The following MAP7 variants were observed in gnomAD, a reference collection of about 807,000 sequenced individuals.
MAP7 encodes microtubule associated protein 7, also known as ensconsin.
In MAP7, 52 loss-of-function variants were observed where a neutral mutation model predicts 94.8. That is an observed-to-expected ratio of 0.55 (90% CI 0.44 to 0.69). The LOEUF is 0.69. Among genes scored for constraint, MAP7 ranks in the 30% least tolerant of loss-of-function variants. The pLI, the probability that MAP7 is intolerant of heterozygous loss-of-function variation, is 0.00. For synonymous variants in MAP7, 350 were observed against 357.0 expected, an observed-to-expected ratio of 0.98 and a Z score of 0.22; for missense variants, 940 against 964.6, an observed-to-expected ratio of 0.97 and a Z score of 0.34.
chr6:136,533,943 A>G (rs1828682382), intron 1 of MAP7, among the ~76,000 whole-genome samples: 1 of 152,124 alleles, frequency 6.6e-6, no homozygotes, highest in East Asian at 1.9e-4. Flanking sequence ...CACTCTTTCC[A>G]TTTCTTTCTC....
intron 1 of MAP7, among the ~76,000 whole-genome samples, chr6:136,480,641 CAAAAA>C (rs769951186): frequency 8.6e-3 from 173 of 20,138 alleles, no homozygotes; most frequent in South Asian, 0.051. Context: ...GACTCTGCCT[CAAAAA>C]AAAAAAAAAA....
chr6:136,366,413 T>TTC lies in MAP7; in HGVS notation c.901_902dup (p.Asn302LysfsTer98), dbSNP rs774833507. Reference sequence around the variant, plus strand: ...TGCCAGATGTGAGGAAGAGTACATTTTCTCTCTCTCTTTCTTTTTTATAGC... The same window carrying TTC: ...TGCCAGATGTGAGGAAGAGTACATTTTCTCTCTCTCTCTTTCTTTTTTATAGC... On this transcript the variant is annotated frameshift_variant, in exon 9 of 18. Transcript: ENST00000354570. LOFTEE classifies it high-confidence loss of function. The TTC allele has an allele frequency of 6.2e-7, 1 of 1,613,750 alleles. No individual in the cohort carries two copies.
At chr6:136,410,215 G>A (rs1298745540) in intron 3 of MAP7, among the ~76,000 whole-genome samples, 6 of 151,968 alleles carry the variant, frequency 3.9e-5, no homozygotes, top group Non-Finnish European at 8.8e-5. Context: ...AAGCAGATAT[G>A]AATCCACGCT....
chr6:136,509,835 C>T (rs561551047), intron 1 of MAP7, among the ~76,000 whole-genome samples: 3 of 152,202 alleles, frequency 2.0e-5, no homozygotes, highest in Non-Finnish European at 4.4e-5. Flanking sequence ...GGATTACAGG[C>T]GTGAGCTATG....
chr6:136,354,937 T>C (rs1226791626), intron 16 of MAP7, among the ~76,000 whole-genome samples: 1 of 152,144 alleles, frequency 6.6e-6, no homozygotes, highest in Non-Finnish European at 1.5e-5. Context: ...TAAGAAGCTA[T>C]GGTAGGCTGG....
rs985017392 is a variant in MAP7 at position 136,380,125 on chromosome 6, G to A, written c.638-2257C>T. 5.9e-5 allele frequency among the ~76,000 whole-genome samples: 9 copies of A among 152,256 alleles called. No individual in the cohort carries two copies. In the East Asian group the frequency reaches 1.5e-3, roughly 26 times the overall value. ...ACGCTATGGCATCGATCCTATTTAA[G>A]CACTTAAAATTGAGATATTGACAAT... On this transcript the variant is annotated intron_variant, in intron 6 of 17. Coordinates refer to ENST00000354570, the MANE Select transcript of MAP7 (RefSeq NM_003980.6).
At chr6:136,524,812 T>A (rs888605464) in intron 1 of MAP7, among the ~76,000 whole-genome samples, 1 of 152,272 alleles carries the variant, frequency 6.6e-6, no homozygotes, top group Non-Finnish European at 1.5e-5. Flanking sequence ...GCTTAAATAT[T>A]TGCTTTCTAC....
chr6:136,417,033 C>T (rs1176854640), intron 2 of MAP7, among the ~76,000 whole-genome samples: 2 of 152,066 alleles, frequency 1.3e-5, no homozygotes, highest in African/African-American at 2.4e-5. Context: ...GTGACAGGAT[C>T]GCTTGAGGCT....
rs1010045555 is a variant in MAP7 at position 136,365,900 on chromosome 6, G to A, written c.1108C>T (p.Arg370Cys). 12 of 1,614,028 alleles carry A rather than the reference G, an allele frequency of 7.4e-6. No individual in the cohort carries two copies. Among genetic ancestry groups the A allele is most frequent in the Admixed American group, 5.0e-5 (3 of 60,000 alleles). Residue 370 changes from arginine to cysteine, a missense_variant, in exon 10 of 18, where the codon CGC becomes TGC. Arg to Cys is a radical substitution (Grantham distance 180). Transcript: ENST00000354570. ...ACTTTGACTTCCCTCTTGACAGGGC[G>A]GATGTTGCCGGGGGATGGGGGCCGG... is the stretch of plus-strand genomic sequence containing the variant. The part of the protein sequence containing the change: ...QVRPPSPGNI[R>C]PVKREVKVEP...
chr6:136,483,775 C>G (rs1258446771), intron 1 of MAP7, among the ~76,000 whole-genome samples: 3 of 152,160 alleles, frequency 2.0e-5, no homozygotes, highest in Non-Finnish European at 4.4e-5. Flanking sequence ...TTCTCCATTT[C>G]TATTACAACT....
intron 16 of MAP7, among the ~76,000 whole-genome samples, chr6:136,346,421 G>T (rs758283714): frequency 1.3e-5 from 2 of 152,246 alleles, no homozygotes; most frequent in Middle Eastern, 3.4e-3. Context: ...AATTAGCTGT[G>T]TGTGGTGGCA....
At chr6:136,384,290 G>T (rs912403666) in intron 5 of MAP7, among the ~76,000 whole-genome samples, 2 of 151,930 alleles carry the variant, frequency 1.3e-5, no homozygotes, top group Non-Finnish European at 2.9e-5. Context: ...GCTCGTTGTT[G>T]TTGTTGTTGT....
chr6:136,355,188 T>C (rs1032315612), intron 16 of MAP7, among the ~76,000 whole-genome samples: 2 of 151,338 alleles, frequency 1.3e-5, no homozygotes, highest in Non-Finnish European at 2.9e-5. Context: ...AAAATAATAA[T>C]AAAAGAAACT....
At chr6:136,533,092 G>C (rs979724968) in intron 1 of MAP7, among the ~76,000 whole-genome samples, 2 of 152,146 alleles carry the variant, frequency 1.3e-5, no homozygotes, top group African/African-American at 2.4e-5. Context: ...GACCAACATG[G>C]AGAAACCCCA....
chr6:136,541,483 G>C (rs920381716), intron 1 of MAP7, among the ~76,000 whole-genome samples: 1 of 152,132 alleles, frequency 6.6e-6, no homozygotes, highest in Middle Eastern at 3.2e-3. Flanking sequence ...GAAATTTTAA[G>C]ATACCCCAAA....
intron 1 of MAP7, among the ~76,000 whole-genome samples, chr6:136,518,462 A>G (rs903952167): frequency 6.6e-6 from 1 of 152,216 alleles, no homozygotes; most frequent in Admixed American, 6.5e-5. Context: ...CCTTATGTCC[A>G]TCTGTGACAC....
At chr6:136,406,641 C>T (rs1422688650) in intron 3 of MAP7, among the ~76,000 whole-genome samples, 2 of 152,118 alleles carry the variant, frequency 1.3e-5, no homozygotes, top group African/African-American at 4.8e-5. Flanking sequence ...ACCAACGTGG[C>T]AAAATCCCAT....
At chr6:136,421,022 C>T (rs899282485) in intron 2 of MAP7, among the ~76,000 whole-genome samples, 2 of 152,156 alleles carry the variant, frequency 1.3e-5, no homozygotes, top group Non-Finnish European at 2.9e-5. Context: ...TGTTATCATA[C>T]TGTACATTCA....
At chr6:136,415,565 C>T (rs1211711055) in intron 2 of MAP7, among the ~76,000 whole-genome samples, 2 of 152,220 alleles carry the variant, frequency 1.3e-5, no homozygotes, top group East Asian at 1.9e-4. Context: ...AGGCAATGCC[C>T]GATTGTGCAA....
Sources: allele counts gnomAD v4.1 joint callset (sites outside exome capture counted in the v4.1 genomes callset), GRCh38; gene constraint gnomAD v4.1.1; transcripts MANE v1.5; gene names NCBI Gene and HGNC (gene_info 2026-07-23, HGNC 2026-07-21).